Variants in KIF3A observed in about 807,000 individuals in gnomAD.
KIF3A encodes kinesin-like protein KIF3A.
Under a neutral mutation model 92.6 loss-of-function variants are expected in KIF3A, and 27 were observed. The observed-to-expected ratio is 0.29, with a 90% confidence interval of 0.21 to 0.40. The LOEUF is 0.40. KIF3A is among the 10% of genes least tolerant of loss of function. The probability of loss-of-function intolerance (pLI) is 1.00; values close to 1 mark genes in which losing one functional copy is unlikely to be tolerated. For missense variants in KIF3A, 581 were observed against 872.6 expected, an observed-to-expected ratio of 0.67 and a Z score of 4.21; for synonymous variants, 250 against 275.4, an observed-to-expected ratio of 0.91 and a Z score of 0.92.
Position 132,695,756 on chromosome 5 carries a change from T to C in KIF3A, c.*878A>G, listed in dbSNP as rs1042810237. 1 of 152,360 alleles carries C rather than the reference T, an allele frequency of 6.6e-6. No homozygotes were observed. Among genetic ancestry groups the C allele is most frequent in the African/African-American group, 2.4e-5 (1 of 41,464 alleles). 9.4% of individuals were successfully genotyped at this position (152,360 alleles called of 1,614,324 possible). On this transcript the variant is annotated 3_prime_UTR_variant, in exon 19 of 19. Coordinates refer to ENST00000403231, the MANE Select transcript of KIF3A (RefSeq NM_001300791.2). ...CTGGAAAATGGAGACTCTTCTTAAC[T>C]GGGAGACATAAAGTAATTCCCACCA...
At chr5:132,719,029 TAAA>T (rs1164681013) in intron 5 of KIF3A, among the ~76,000 whole-genome samples, 1 of 149,986 alleles carries the variant, frequency 6.7e-6, no homozygotes, top group Non-Finnish European at 1.5e-5. Context: ...TTGTTACATC[TAAA>T]AATATTTTCC....
rs952491335 is a variant in KIF3A at position 132,706,303 on chromosome 5, A to G, written c.1309+148T>C. 4 of 489,198 alleles carry G rather than the reference A, an allele frequency of 8.2e-6. No homozygotes were observed. In the Admixed American group the frequency reaches 1.7e-4, roughly 21 times the overall value. The allele number at this position is 489,198 out of a possible 1,614,324, so 30.3% of individuals were successfully genotyped here. ...AAAAATGAAGTTCTTTTTAAAAGCT[A>G]AAGTTGAAAGATTGTTAAAAATACA... On this transcript the variant is annotated intron_variant, in intron 11 of 18. Transcript: ENST00000403231.
chr5:132,716,770 T>G, intron 6 of KIF3A, 75 bp downstream of exon 6: 1 of 1,488,776 alleles, frequency 6.7e-7, no homozygotes, highest in South Asian at 1.2e-5. Context: ...ACCTTTTCAC[T>G]TTAATTTTCA....
rs1280413164 is a variant in KIF3A, at chr5:132,716,316, C to A, written c.883G>T (p.Val295Leu). Residue 295 changes from valine to leucine, a missense_variant, in exon 7 of 19, where the codon GTG becomes TTG. By Grantham distance (32) the Val-to-Leu change is conservative. Around this residue, in one of 5 missense-constraint regions of KIF3A, gnomAD observed 40 missense variants for 107.0 expected, o/e 0.37. Transcript: ENST00000403231. ...GTCAGTTTAGAGTTACGATAAGGCA[C>A]ATGAGTGCTTTTTCCATCAACCAAG... ...SALVDGKSTH[V>L]PYRNSKLTRL... The A allele has an allele frequency of 6.2e-7, 1 of 1,614,010 alleles. No individual in the cohort carries two copies. The highest frequency in any genetic ancestry group is 1.1e-5 in the South Asian group (1 of 91,074).
Position 132,716,256 on chromosome 5 carries a change from T to C in KIF3A, c.943A>G (p.Lys315Glu), listed in dbSNP as rs774909611. Residue 315 changes from lysine to glutamate, a missense_variant, in exon 7 of 19, where the codon AAA becomes GAA. Lys to Glu is a moderately conservative substitution (Grantham distance 56). Around this residue, in one of 5 missense-constraint regions of KIF3A, gnomAD observed 40 missense variants for 107.0 expected, o/e 0.37. Transcript: ENST00000403231. The stretch of plus-strand genomic sequence containing the variant: ...CAATTAAGTCTTACCATCATGGTTT[T>C]TGAATTTCCTCCTAAGGAATCCTGA... ...LLQDSLGGNSKTMMCANIGPA... is the reference protein window; with the variant it reads ...LLQDSLGGNSETMMCANIGPA... 8.7e-6 allele frequency: 14 copies of C among 1,613,268 alleles called. No individual in the cohort carries two copies. The highest frequency in any genetic ancestry group is 2.7e-5 in the African/African-American group (2 of 74,928).
At position 132,737,515 on chromosome 5, in the gene KIF3A, C is replaced by G; in HGVS notation, c.-96G>C. ...AGGATGGCCAGAGACTACCGAAACA[C>G]CTCGTTGACGCTCTCGAGACTGCGG... On this transcript the variant is annotated 5_prime_UTR_variant, in exon 1 of 19. Coordinates refer to ENST00000403231, the MANE Select transcript of KIF3A (RefSeq NM_001300791.2). 1 of 1,422,050 alleles carries G rather than the reference C, an allele frequency of 7.0e-7. No individual in the cohort carries two copies. The highest frequency in any genetic ancestry group is 1.2e-5 in the South Asian group (1 of 80,272). The allele number at this position is 1,422,050 out of a possible 1,614,324, so 88.1% of individuals were successfully genotyped here.
intron 2 of KIF3A, among the ~76,000 whole-genome samples, chr5:132,728,801 C>T (rs1466146874): frequency 6.6e-6 from 1 of 151,148 alleles, no homozygotes; most frequent in African/African-American, 2.5e-5. Flanking sequence ...GGCTGGGTGC[C>T]GTGGCTCCTG....
At position 132,726,554 on chromosome 5, in the gene KIF3A, A is replaced by G. The variant is rs76274332; in HGVS notation, c.281-56T>C. On this transcript the variant is annotated intron_variant, in intron 2 of 18. Coordinates refer to ENST00000403231, the MANE Select transcript of KIF3A (RefSeq NM_001300791.2). Reference sequence around the variant, plus strand: ...TTAAAGTCTAATGCTACAGAACAATAGCTCTTAAAATTAATTCCTTTGACA... The same window carrying G: ...TTAAAGTCTAATGCTACAGAACAATGGCTCTTAAAATTAATTCCTTTGACA... The G allele has an allele frequency of 4.7e-3, 6,780 of 1,457,010 alleles. 174 individuals are homozygous for G. The African/African-American group carries it at 0.064, about 14-fold the overall frequency. The allele number at this position is 1,457,010 out of a possible 1,614,324, so 90.3% of individuals were successfully genotyped here. A position where few individuals can be genotyped will look rare whatever the true frequency, so the allele number is the denominator to read the frequency against.
At chr5:132,710,810 T>A in intron 9 of KIF3A, 149 bp downstream of exon 9, 1 of 1,047,062 alleles carries the variant, frequency 9.6e-7, no homozygotes. Flanking sequence ...GGAGAAAAAA[T>A]GCAAAGTTAA....
rs1752701412 is a variant in KIF3A, at chr5:132,692,805, T to C, written c.*3829A>G. The C allele has an allele frequency of 6.5e-6, 1 of 152,742 alleles. No homozygotes were observed. Among genetic ancestry groups the C allele is most frequent in the Admixed American group, 6.5e-5 (1 of 15,284 alleles). 9.5% of individuals were successfully genotyped at this position (152,742 alleles called of 1,614,324 possible). On this transcript the variant is annotated 3_prime_UTR_variant, in exon 19 of 19. Coordinates refer to ENST00000403231, the MANE Select transcript of KIF3A (RefSeq NM_001300791.2). ...TGGCCAGCATACAGTATTATAGTAA[T>C]GCTACTGAAGTTATTCATTAAATTA...
intron 2 of KIF3A, among the ~76,000 whole-genome samples, chr5:132,732,907 T>C (rs1754281146): frequency 6.9e-6 from 1 of 145,082 alleles, no homozygotes; most frequent in Non-Finnish European, 1.5e-5. Flanking sequence ...AGACTCCGTC[T>C]CCAAAAAAAA....
chr5:132,692,767 T>C lies in KIF3A; in HGVS notation c.*3867A>G, dbSNP rs1752700113. ...CTTTTGAAACTGATGCAACAAACTG[T>C]AATTTGTAATTTTGGCCAGCATACA... On this transcript the variant is annotated 3_prime_UTR_variant, in exon 19 of 19. Transcript: ENST00000403231. The C allele has an allele frequency of 6.5e-6, 1 of 152,736 alleles. No homozygotes were observed. Among genetic ancestry groups the C allele is most frequent in the South Asian group, 2.1e-4 (1 of 4,836 alleles). 9.5% of individuals were successfully genotyped at this position (152,736 alleles called of 1,614,324 possible). A position where few individuals can be genotyped will look rare whatever the true frequency, so the allele number is the denominator to read the frequency against.
In KIF3A at chr5:132,707,669, GAGA is replaced by G. The variant is rs376928615; in HGVS notation, c.1301-1213_1301-1211del. 2.8e-3 allele frequency among the ~76,000 whole-genome samples: 429 copies of G among 152,222 alleles called. 4 individuals are homozygous for G. Among genetic ancestry groups the G allele is most frequent in the African/African-American group, 0.01 (416 of 41,520 alleles). On this transcript the variant is annotated intron_variant, in intron 10 of 18. Transcript: ENST00000403231. Reference sequence around the variant, plus strand: ...GTAACTTGCCTACAAATTGTCAATAGAGAAGGAGATTTCTAATATTCTTGGAAT... The same window carrying G: ...GTAACTTGCCTACAAATTGTCAATAGAGGAGATTTCTAATATTCTTGGAAT...
chr5:132,737,471 C>T lies in KIF3A; in HGVS notation c.-52G>A. The T allele has an allele frequency of 6.3e-7, 1 of 1,593,066 alleles. No homozygotes were observed. Among genetic ancestry groups the T allele is most frequent in the Non-Finnish European group, 8.5e-7 (1 of 1,170,310 alleles). The stretch of plus-strand genomic sequence containing the variant: ...CGTCCCCGCCCGGGGTGCAGCCCAG[C>T]GACACCGGGTGCGCAGAAAGGATGG... On this transcript the variant is annotated 5_prime_UTR_variant, in exon 1 of 19. Coordinates refer to ENST00000403231, the MANE Select transcript of KIF3A (RefSeq NM_001300791.2).
intron 4 of KIF3A, chr5:132,723,381 A>G (rs1017902845): frequency 1.3e-5 from 2 of 152,198 alleles, no homozygotes; most frequent in Non-Finnish European, 2.9e-5. Context: ...GAGGCATCAC[A>G]CTACCTGACT....
In KIF3A at chr5:132,696,550, A is replaced by G; in HGVS notation, c.*84T>C. 1.3e-6 allele frequency: 1 copy of G among 763,192 alleles called. No individual in the cohort carries two copies. 47.3% of individuals were successfully genotyped at this position (763,192 alleles called of 1,614,324 possible). A position where few individuals can be genotyped will look rare whatever the true frequency, so the allele number is the denominator to read the frequency against. On this transcript the variant is annotated 3_prime_UTR_variant, in exon 19 of 19. Transcript: ENST00000403231. ...CAACTTCCATTAATTGAAATTATAGAGAAGTCTTCACTGTTTTAATTAAAG... is the reference window on the plus strand; with the variant it reads ...CAACTTCCATTAATTGAAATTATAGGGAAGTCTTCACTGTTTTAATTAAAG...
downstream of KIF3A, chr5:132,689,606 C>A (rs1016440916): frequency 6.6e-6 from 1 of 152,208 alleles, no homozygotes; most frequent in Admixed American, 6.5e-5. Flanking sequence ...TCTCGAGAAT[C>A]TTCACAAGAT....
intron 1 of KIF3A, among the ~76,000 whole-genome samples, chr5:132,735,307 G>A (rs867526215): frequency 2.0e-4 from 30 of 152,154 alleles, no homozygotes; most frequent in Middle Eastern, 6.8e-3. Flanking sequence ...ACTCCTGACC[G>A]CAAGTGATCC....
intron 2 of KIF3A, among the ~76,000 whole-genome samples, chr5:132,728,465 G>A (rs913779785): frequency 6.6e-6 from 1 of 152,164 alleles, no homozygotes; most frequent in African/African-American, 2.4e-5. Flanking sequence ...GCCAGGCGGG[G>A]TGGCTCATGC....
Sources: allele counts gnomAD v4.1 joint callset (sites outside exome capture counted in the v4.1 genomes callset), GRCh38; gene constraint gnomAD v4.1.1; regional missense constraint gnomAD v4.1.1; transcripts MANE v1.5; gene names NCBI Gene and HGNC (gene_info 2026-07-23, HGNC 2026-07-21).